The following EXOC4 variants were observed in gnomAD, a reference collection of about 807,000 sequenced individuals.
EXOC4 encodes the protein exocyst complex component 4, also known as SEC8-like 1.
In EXOC4, 71 loss-of-function variants were observed where a neutral mutation model predicts 107.2. That is an observed-to-expected ratio of 0.66 (90% CI 0.55 to 0.81). The LOEUF (loss-of-function observed/expected upper bound fraction) is 0.81, where lower values mean the gene tolerates loss of function less well. Ranked by LOEUF, EXOC4 falls within the 30% of genes least tolerant of loss-of-function variation. EXOC4 has a pLI of 0.00. For missense variants in EXOC4, 1,108 were observed against 1,189.6 expected, an observed-to-expected ratio of 0.93 and a Z score of 1.01; for synonymous variants, 456 against 441.2, an observed-to-expected ratio of 1.03 and a Z score of -0.42.
At chr7:133,621,592 T>C (rs962630857) in intron 9 of EXOC4, among the ~76,000 whole-genome samples, 12 of 152,220 alleles carry the variant, frequency 7.9e-5, no homozygotes, top group Non-Finnish European at 7.3e-5. Context: ...CTTCTCACAA[T>C]AATCCATCAT....
intron 9 of EXOC4, among the ~76,000 whole-genome samples, chr7:133,585,270 C>T (rs1563116933): frequency 2.6e-5 from 4 of 152,158 alleles, no homozygotes; most frequent in African/African-American, 7.2e-5. Flanking sequence ...ACGGACTTTC[C>T]TAAACTTTAG....
chr7:133,477,073 T>C (rs1799032220), intron 8 of EXOC4, among the ~76,000 whole-genome samples: 1 of 152,236 alleles, frequency 6.6e-6, no homozygotes, highest in South Asian at 2.1e-4. Context: ...AGAGAGTTCC[T>C]TTATATTCCC....
At chr7:134,053,899 C>T (rs758467977) in intron 17 of EXOC4, among the ~76,000 whole-genome samples, 2 of 151,964 alleles carry the variant, frequency 1.3e-5, no homozygotes, top group Non-Finnish European at 2.9e-5. Context: ...AAATTAATGT[C>T]ACTTCCTTGC....
intron 9 of EXOC4, among the ~76,000 whole-genome samples, chr7:133,619,940 T>A (rs57352738): frequency 0.21 from 31,492 of 151,764 alleles, 3,550 homozygotes; most frequent in African/African-American, 0.26. Context: ...ATATTAATAC[T>A]TTCTTTCTCT....
intron 7 of EXOC4, among the ~76,000 whole-genome samples, chr7:133,413,277 G>A (rs1797402878): frequency 1.3e-5 from 2 of 152,018 alleles, no homozygotes; most frequent in Non-Finnish European, 2.9e-5. Context: ...CTGGCAATTT[G>A]GTCATTTCAA....
At chr7:133,822,657 C>A (rs1470966991) in intron 11 of EXOC4, among the ~76,000 whole-genome samples, 1 of 152,036 alleles carries the variant, frequency 6.6e-6, no homozygotes, top group Non-Finnish European at 1.5e-5. Flanking sequence ...CAAGTGTGGC[C>A]CATGGACCGG....
At chr7:133,802,531 G>A (rs754191720) in intron 10 of EXOC4, among the ~76,000 whole-genome samples, 27 of 152,134 alleles carry the variant, frequency 1.8e-4, no homozygotes, top group Non-Finnish European at 3.2e-4. Flanking sequence ...CTGAGAATTT[G>A]TCAAAACCAA....
chr7:133,646,061 A>G (rs1802982828), intron 10 of EXOC4, among the ~76,000 whole-genome samples: 1 of 150,740 alleles, frequency 6.6e-6, no homozygotes, highest in South Asian at 2.1e-4. Context: ...CAAACAGCAT[A>G]CATATCAGAG....
chr7:133,907,128 C>G (rs1799584671), intron 12 of EXOC4, among the ~76,000 whole-genome samples: 1 of 152,172 alleles, frequency 6.6e-6, no homozygotes, highest in Non-Finnish European at 1.5e-5. Flanking sequence ...TGTGATCTGT[C>G]TCTTGAAGCT....
At chr7:134,046,644 A>T (rs1193637603) in intron 17 of EXOC4, among the ~76,000 whole-genome samples, 1 of 151,538 alleles carries the variant, frequency 6.6e-6, no homozygotes, top group Non-Finnish European at 1.5e-5. Flanking sequence ...ACCTTTCCCC[A>T]GTACTCCAGG....
intron 7 of EXOC4, among the ~76,000 whole-genome samples, chr7:133,376,227 T>C (rs1796487813): frequency 6.6e-6 from 1 of 152,196 alleles, no homozygotes; most frequent in Non-Finnish European, 1.5e-5. Context: ...AGAAATAATA[T>C]TGGTTGAAAC....
chr7:133,489,313 G>A (rs1799327953), intron 9 of EXOC4, among the ~76,000 whole-genome samples: 1 of 152,104 alleles, frequency 6.6e-6, no homozygotes, highest in South Asian at 2.1e-4. Flanking sequence ...AATGTCATAT[G>A]CACTCATACA....
the EXOC4 span, among the ~76,000 whole-genome samples, chr7:134,074,495 CT>C: frequency 1.3e-5 from 2 of 152,332 alleles, no homozygotes; most frequent in Middle Eastern, 3.4e-3. Context: ...TCAATAACAC[CT>C]GTTGTGGATT....
intron 7 of EXOC4, among the ~76,000 whole-genome samples, chr7:133,393,900 A>G (rs1796912133): frequency 2.0e-5 from 3 of 152,230 alleles, no homozygotes; most frequent in Admixed American, 6.5e-5. Flanking sequence ...AGATTTAAAA[A>G]TCATGTAGCA....
At chr7:133,476,789 C>T (rs987884008) in intron 8 of EXOC4, among the ~76,000 whole-genome samples, 1 of 152,154 alleles carries the variant, frequency 6.6e-6, no homozygotes, top group African/African-American at 2.4e-5. Context: ...TACTATCTCA[C>T]GTAACAAGGA....
chr7:133,898,839 G>A (rs958013847), intron 12 of EXOC4, among the ~76,000 whole-genome samples: 1 of 149,348 alleles, frequency 6.7e-6, no homozygotes, highest in South Asian at 2.1e-4. Flanking sequence ...TTAGCCAGGT[G>A]TGGTGGTGTA....
intron 7 of EXOC4, among the ~76,000 whole-genome samples, chr7:133,465,506 A>C (rs947620565): frequency 2.0e-5 from 3 of 152,214 alleles, no homozygotes; most frequent in Non-Finnish European, 4.4e-5. Context: ...CTAGAAGAAA[A>C]TACAGAGAAG....
At chr7:134,099,631 T>C in the EXOC4 span, among the ~76,000 whole-genome samples, 49 of 149,420 alleles carry the variant, frequency 3.3e-4, 1 homozygote, top group Admixed American at 8.8e-4. Context: ...CCGGGGTTCA[T>C]GCCATTCTCC....
intron 9 of EXOC4, among the ~76,000 whole-genome samples, chr7:133,496,748 C>G (rs1228021189): frequency 1.3e-5 from 2 of 152,126 alleles, no homozygotes; most frequent in African/African-American, 4.8e-5. Context: ...ACCCCAATGA[C>G]CAGACCCATG....
Sources: allele counts gnomAD v4.1 joint callset (sites outside exome capture counted in the v4.1 genomes callset), GRCh38; gene constraint gnomAD v4.1.1; transcripts MANE v1.5; gene names NCBI Gene and HGNC (gene_info 2026-07-23, HGNC 2026-07-21).